C10orf67: variants seen among roughly 807,000 people sequenced by gnomAD.
The protein encoded by C10orf67 is uncharacterized protein C10orf67, mitochondrial.
Under a neutral mutation model 35.6 loss-of-function variants are expected in C10orf67, and 60 were observed. The ratio of observed to expected loss-of-function variants is 1.68; its 90% CI spans 1.37 to 2.09. The LOEUF is 2.09. C10orf67 is among the 30% of genes most tolerant of loss of function. The pLI is 0.00. For missense variants in C10orf67, 474 were observed against 330.2 expected (o/e 1.44, Z -3.38); for synonymous variants, 167 against 115.8 (o/e 1.44, Z -2.84).
chr10:23,245,197 C>T (rs763200732), intron 12 of C10orf67, among the ~76,000 whole-genome samples: 4 of 152,094 alleles, frequency 2.6e-5, no homozygotes, highest in Non-Finnish European at 5.9e-5. Flanking sequence ...ACACAGTACA[C>T]AAAAATTAAC....
intron 12 of C10orf67, among the ~76,000 whole-genome samples, chr10:23,240,392 A>T (rs1842151102): frequency 6.6e-6 from 1 of 152,238 alleles, no homozygotes; most frequent in Non-Finnish European, 1.5e-5. Flanking sequence ...GCACAGAATG[A>T]ACCTGGGACA....
At chr10:23,265,230 G>A (rs1021860149) in intron 10 of C10orf67, among the ~76,000 whole-genome samples, 2 of 152,190 alleles carry the variant, frequency 1.3e-5, no homozygotes, top group African/African-American at 2.4e-5. Context: ...GCTCCCTCCC[G>A]CTCTGTGGAT....
intron 7 of C10orf67, among the ~76,000 whole-genome samples, chr10:23,287,128 T>G (rs1843566543): frequency 6.6e-6 from 1 of 152,230 alleles, no homozygotes; most frequent in Non-Finnish European, 1.5e-5. Flanking sequence ...AAAACTATTT[T>G]AAATTTCATA....
At chr10:23,290,718 G>A (rs1451813565) in intron 6 of C10orf67, among the ~76,000 whole-genome samples, 1 of 152,146 alleles carries the variant, frequency 6.6e-6, no homozygotes, top group East Asian at 1.9e-4. Flanking sequence ...TTCCTGAAGG[G>A]CTAACTCTGT....
At chr10:23,234,365 C>T (rs1841986603) in intron 13 of C10orf67, among the ~76,000 whole-genome samples, 1 of 152,180 alleles carries the variant, frequency 6.6e-6, no homozygotes, top group African/African-American at 2.4e-5. Context: ...GAGATCTTGT[C>T]CTCTGCAGGA....
intron 10 of C10orf67, among the ~76,000 whole-genome samples, chr10:23,253,980 C>A (rs1261365217): frequency 6.6e-6 from 1 of 152,224 alleles, no homozygotes; most frequent in African/African-American, 2.4e-5. Flanking sequence ...GCTCTGTCCA[C>A]ATTAAACTGT....
In C10orf67 at chr10:23,283,014, G is replaced by A. The variant is rs117793348; in HGVS notation, c.910-936C>T. Among the ~76,000 whole-genome samples, 459 of 152,060 alleles carry A rather than the reference G, an allele frequency of 3.0e-3. 14 individuals carry two copies. The East Asian group carries it at 0.05, about 16-fold the overall frequency. On this transcript the variant is annotated intron_variant, in intron 7 of 15. Transcript: ENST00000636213. ...CTAGTATTTGATAGCACAACAGGGT[G>A]ACCATAGTCAATACTTTAATTGTAT... is the stretch of plus-strand genomic sequence containing the variant.
intron 4 of C10orf67, among the ~76,000 whole-genome samples, chr10:23,309,304 C>T (rs1368973506): frequency 6.6e-6 from 1 of 152,038 alleles, no homozygotes; most frequent in Non-Finnish European, 1.5e-5. Context: ...AACTAAATAC[C>T]ACATGTTCTC....
chr10:23,206,591 A>C (rs1841164644), intron 15 of C10orf67, among the ~76,000 whole-genome samples: 1 of 152,234 alleles, frequency 6.6e-6, no homozygotes, highest in Non-Finnish European at 1.5e-5. Flanking sequence ...TGATTAATTG[A>C]AACTGATAAG....
At chr10:23,210,686 C>G (rs113306353) in intron 15 of C10orf67, among the ~76,000 whole-genome samples, 191 of 152,246 alleles carry the variant, frequency 1.3e-3, no homozygotes, top group African/African-American at 4.5e-3. Context: ...TCCCAAAGTA[C>G]TGGGAGGATT....
chr10:23,246,596 A>C (rs756924522), intron 12 of C10orf67, among the ~76,000 whole-genome samples: 25 of 152,192 alleles, frequency 1.6e-4, no homozygotes, highest in Non-Finnish European at 1.2e-4. Flanking sequence ...TGCACTGCAT[A>C]ATGATGTTTG....
At chr10:23,318,608 T>C in intron 4 of C10orf67, 2 of 325,108 alleles carry the variant, frequency 6.2e-6, no homozygotes, top group Non-Finnish European at 1.1e-5. Flanking sequence ...AGAGAAACAT[T>C]GCACAAGAGC....
At chr10:23,325,757 T>C (rs971791825) in intron 2 of C10orf67, among the ~76,000 whole-genome samples, 4 of 150,452 alleles carry the variant, frequency 2.7e-5, no homozygotes, top group African/African-American at 9.7e-5. Context: ...ATTACCAAAA[T>C]GTCAGAATTG....
intron 2 of C10orf67, among the ~76,000 whole-genome samples, chr10:23,326,000 A>G (rs894564221): frequency 3.3e-5 from 5 of 151,500 alleles, no homozygotes; most frequent in Non-Finnish European, 7.4e-5. Context: ...AAAAATAGAA[A>G]GAAGAAAGAT....
intron 1 of C10orf67, chr10:23,344,032 C>G (rs929422163): frequency 2.6e-6 from 1 of 386,886 alleles, no homozygotes; most frequent in Non-Finnish European, 5.5e-6. Flanking sequence ...CCCGCGGAGC[C>G]GCTCGCTCTC....
chr10:23,274,390 C>G (rs148671488), intron 8 of C10orf67, among the ~76,000 whole-genome samples: 2 of 152,118 alleles, frequency 1.3e-5, no homozygotes, highest in Non-Finnish European at 1.5e-5. Flanking sequence ...TCCCTTATCT[C>G]AACAGCATAA....
intron 2 of C10orf67, among the ~76,000 whole-genome samples, chr10:23,331,039 G>A (rs1180010466): frequency 3.2e-5 from 3 of 93,410 alleles, no homozygotes; most frequent in East Asian, 4.4e-4. Flanking sequence ...GAGGGAAACC[G>A]GGAAAAGAGG....
intron 8 of C10orf67, among the ~76,000 whole-genome samples, chr10:23,271,395 T>C (rs1843018638): frequency 6.6e-6 from 1 of 152,242 alleles, no homozygotes; most frequent in Non-Finnish European, 1.5e-5. Context: ...ACCCAAGACT[T>C]TGTGTGAACA....
chr10:23,313,502 C>T (rs1832748944), intron 4 of C10orf67, among the ~76,000 whole-genome samples: 1 of 152,100 alleles, frequency 6.6e-6, no homozygotes, highest in East Asian at 1.9e-4. Context: ...TATTACATGC[C>T]ACGCAGTCTG....
Sources: gnomAD v4.1 joint callset for allele counts (sites outside exome capture counted in the v4.1 genomes callset) on GRCh38, gnomAD v4.1.1 for gene constraint, MANE v1.5 for transcripts, NCBI Gene and HGNC (gene_info 2026-07-23, HGNC 2026-07-21) for gene names.